The following LYRM4 variants were observed in gnomAD, a reference collection of about 807,000 sequenced individuals.
LYRM4 encodes the protein LYR motif containing 4.
Under a neutral mutation model 11.7 loss-of-function variants are expected in LYRM4, and 9 were observed. That is an observed-to-expected ratio of 0.77 (90% CI 0.46 to 1.34). The LOEUF is 1.34. Ranked by LOEUF, LYRM4 falls within the 40% of genes most tolerant of loss-of-function variation. The pLI is 0.00. For synonymous variants in LYRM4, 42 were observed against 40.4 expected (o/e 1.04, Z -0.15); for missense variants, 133 against 112.5 (o/e 1.18, Z -0.82).
intron 2 of LYRM4, among the ~76,000 whole-genome samples, chr6:5,178,628 A>G (rs148414315): frequency 0.014 from 2,146 of 151,402 alleles, 42 homozygotes; most frequent in African/African-American, 0.049. Context: ...AGCCTGACCA[A>G]CATGGTGAAA....
chr6:5,116,644 C>T (rs1248588282), intron 2 of LYRM4, among the ~76,000 whole-genome samples: 1 of 152,150 alleles, frequency 6.6e-6, no homozygotes, highest in Non-Finnish European at 1.5e-5. Context: ...CTTATACAGC[C>T]ACATCAGACT....
chr6:5,245,150 ATATATATATAT>A (rs1561899175), intron 1 of LYRM4, among the ~76,000 whole-genome samples: 4 of 103,886 alleles, frequency 3.9e-5, no homozygotes, highest in African/African-American at 1.4e-4. Flanking sequence ...ATATATATAT[ATATATATATAT>A]ATAAAATAGG....
chr6:5,034,267 C>T, the LYRM4 span: 1 of 152,118 alleles, frequency 6.6e-6, no homozygotes, highest in African/African-American at 2.4e-5. Flanking sequence ...TTCTGCAGGC[C>T]CCTCTAGAAA....
At chr6:5,095,428 A>ATACAGAAAATGGAAGTGAGG in the LYRM4 span, among the ~76,000 whole-genome samples, 3 of 152,220 alleles carry the variant, frequency 2.0e-5, no homozygotes, top group Admixed American at 1.3e-4. Context: ...GCCAAGTGAC[A>ATACAGAAAATGGAAGTGAGG]TACAGAAAAT....
chr6:5,197,894 G>A lies in LYRM4; in HGVS notation c.207+18724C>T, dbSNP rs949614692. On this transcript the variant is annotated intron_variant, in intron 2 of 2. Transcript: ENST00000330636. The stretch of plus-strand genomic sequence containing the variant: ...TTTAAGAGAAAGGGAAGGCAGCGCC[G>A]GGTGCGGTGGCTCACGCCTGTAATC... Among the ~76,000 whole-genome samples the A allele has an allele frequency of 2.6e-5, 4 of 151,736 alleles. 1 individual carries two copies. The highest frequency in any genetic ancestry group is 4.2e-4 in the South Asian group (2 of 4,808).
At chr6:5,252,735 T>G (rs984557144) in intron 1 of LYRM4, among the ~76,000 whole-genome samples, 4 of 152,184 alleles carry the variant, frequency 2.6e-5, no homozygotes, top group African/African-American at 9.7e-5. Context: ...AGCTTTACCC[T>G]TTCCTGGCTG....
chr6:5,140,185 A>T (rs1757328039), intron 2 of LYRM4, among the ~76,000 whole-genome samples: 1 of 149,092 alleles, frequency 6.7e-6, no homozygotes, highest in Non-Finnish European at 1.5e-5. Flanking sequence ...CCGTGATCGC[A>T]CCACTGCCTC....
chr6:5,196,021 A>G (rs1450799639), intron 2 of LYRM4, among the ~76,000 whole-genome samples: 5 of 152,174 alleles, frequency 3.3e-5, no homozygotes, highest in African/African-American at 4.8e-5. Context: ...CTTGTCACGT[A>G]TTAGTTTGTG....
At chr6:5,058,182 G>A in the LYRM4 span, among the ~76,000 whole-genome samples, 24 of 152,132 alleles carry the variant, frequency 1.6e-4, no homozygotes, top group Non-Finnish European at 2.6e-4. Context: ...TCTACACGGG[G>A]CTCTCTGTGA....
chr6:5,038,920 GAGGGAGAGGGAGAGCTTT>G, the LYRM4 span, among the ~76,000 whole-genome samples: 8 of 10,650 alleles, frequency 7.5e-4, 1 homozygote, highest in Non-Finnish European at 8.5e-4. Flanking sequence ...GGGAGAGGGA[GAGGGAGAGGGAGAGCTTT>G]AGCTTGTATT....
chr6:5,040,893 T>C, the LYRM4 span, among the ~76,000 whole-genome samples: 1 of 141,336 alleles, frequency 7.1e-6, no homozygotes, highest in Admixed American at 7.2e-5. Flanking sequence ...AAAAAAAAAA[T>C]GGTGCCTGAT....
At chr6:5,221,830 A>T (rs917294186) in intron 1 of LYRM4, among the ~76,000 whole-genome samples, 1 of 152,234 alleles carries the variant, frequency 6.6e-6, no homozygotes, top group Admixed American at 6.5e-5. Context: ...TTCCTTTCCC[A>T]GAACTCCCTA....
intron 1 of LYRM4, among the ~76,000 whole-genome samples, chr6:5,243,272 C>T (rs1763993797): frequency 1.3e-5 from 2 of 152,208 alleles, no homozygotes; most frequent in African/African-American, 2.4e-5. Flanking sequence ...CGCTCATGCC[C>T]GGGGCGCACA....
chr6:5,051,067 C>G, the LYRM4 span, among the ~76,000 whole-genome samples: 1 of 152,066 alleles, frequency 6.6e-6, no homozygotes, highest in Non-Finnish European at 1.5e-5. Context: ...CAGATTTGAA[C>G]AGGCAAAAGA....
chr6:5,138,661 C>T (rs925339328), intron 2 of LYRM4: 20 of 1,408,878 alleles, frequency 1.4e-5, no homozygotes, highest in African/African-American at 2.9e-5. Context: ...CTAACATGCT[C>T]CCCACTGAAA....
chr6:5,213,512 C>T (rs946867083), intron 2 of LYRM4, among the ~76,000 whole-genome samples: 2 of 152,122 alleles, frequency 1.3e-5, no homozygotes, highest in African/African-American at 4.8e-5. Flanking sequence ...ACTGGTGGAA[C>T]CGTGAAGCTG....
At chr6:5,049,388 A>G in the LYRM4 span, among the ~76,000 whole-genome samples, 7 of 152,196 alleles carry the variant, frequency 4.6e-5, no homozygotes, top group Non-Finnish European at 8.8e-5. Context: ...CTCTAGGTCA[A>G]CTAATAGTCA....
intron 2 of LYRM4, among the ~76,000 whole-genome samples, chr6:5,162,451 C>T (rs1581410969): frequency 6.6e-6 from 1 of 151,114 alleles, no homozygotes; most frequent in South Asian, 2.1e-4. Context: ...GGCCCTGGGT[C>T]AGGGATGTGA....
intron 2 of LYRM4, among the ~76,000 whole-genome samples, chr6:5,180,246 C>T (rs1448847366): frequency 2.0e-5 from 3 of 152,140 alleles, no homozygotes; most frequent in Non-Finnish European, 2.9e-5. Context: ...AGCCGTTCCC[C>T]GGGGCTACCA....
Sources: gnomAD v4.1 joint callset for allele counts (sites outside exome capture counted in the v4.1 genomes callset) on GRCh38, gnomAD v4.1.1 for gene constraint, MANE v1.5 for transcripts, NCBI Gene and HGNC (gene_info 2026-07-23, HGNC 2026-07-21) for gene names.